CTNNA3: variants seen among roughly 807,000 people sequenced by gnomAD.
CTNNA3 encodes catenin alpha-3.
A neutral mutation model predicts 95.7 loss-of-function variants in CTNNA3; 76 were observed. That is an observed-to-expected ratio of 0.79 (90% CI 0.66 to 0.96). The LOEUF (loss-of-function observed/expected upper bound fraction) is 0.96. CTNNA3 is among the 40% of genes least tolerant of loss of function. The pLI is 0.00. For synonymous variants in CTNNA3, 431 were observed against 374.4 expected (o/e 1.15, Z -1.74); for missense variants, 1,191 against 1,089.8 (o/e 1.09, Z -1.31).
chr10:67,524,395 CAAAAAAAAAAAAAA>C (rs200850487), intron 4 of CTNNA3, among the ~76,000 whole-genome samples: 4 of 70,306 alleles, frequency 5.7e-5, no homozygotes, highest in Non-Finnish European at 6.5e-5. Context: ...GACTCTGTCT[CAAAAAAAAAAAAAA>C]AAAAAAAAAA....
chr10:66,927,310 G>A lies in CTNNA3; in HGVS notation c.1048-151786C>T. On this transcript the variant is annotated intron_variant, in intron 7 of 17. Transcript: ENST00000433211. This position sits in a 1 kb window ranked among gnomAD's most constrained non-coding sequence, Gnocchi z 4.7. ...TTTTCTTAACAATACCTTCAGACCT[G>A]TGACAAATTTACGGAACTTGGATCT... 6.2e-7 allele frequency: 1 copy of A among 1,614,116 alleles called. No homozygotes were observed.
chr10:67,463,039 G>C (rs2133000412), intron 5 of CTNNA3, among the ~76,000 whole-genome samples: 1 of 151,760 alleles, frequency 6.6e-6, no homozygotes, highest in South Asian at 2.1e-4. Flanking sequence ...TGAGTAGCGG[G>C]GTTACAGGTG....
At chr10:66,284,977 T>C (rs2091560538) in intron 12 of CTNNA3, among the ~76,000 whole-genome samples, 1 of 151,914 alleles carries the variant, frequency 6.6e-6, no homozygotes, top group African/African-American at 2.4e-5. Flanking sequence ...TTCATATATA[T>C]TTAATATTTA....
chr10:66,448,079 T>C (rs1453981216), intron 11 of CTNNA3, among the ~76,000 whole-genome samples: 6 of 152,114 alleles, frequency 3.9e-5, no homozygotes, highest in African/African-American at 9.6e-5. Context: ...TGAAAAAATG[T>C]TCATCATCAC....
chr10:66,653,934 C>T (rs1845992990), intron 9 of CTNNA3, among the ~76,000 whole-genome samples: 1 of 151,964 alleles, frequency 6.6e-6, no homozygotes, highest in African/African-American at 2.4e-5. Flanking sequence ...TTTTCACACA[C>T]CATATGTAAA....
In CTNNA3 at chr10:67,388,912, G is replaced by A. The variant is rs1274939689; in HGVS notation, c.579+132930C>T. 2.4e-4 allele frequency among the ~76,000 whole-genome samples: 36 copies of A among 152,040 alleles called. No homozygotes were observed. The East Asian group carries it at 3.5e-3, about 15-fold the overall frequency. On this transcript the variant is annotated intron_variant, in intron 5 of 17. Transcript: ENST00000433211. The stretch of plus-strand genomic sequence containing the variant: ...CCTTACAAGAGCTCCTGAAGGAAGC[G>A]CTAAACATGGAAAGGAACAACCAGT...
chr10:67,135,426 G>A (rs1183864915), intron 7 of CTNNA3, among the ~76,000 whole-genome samples: 1 of 152,166 alleles, frequency 6.6e-6, no homozygotes, highest in Non-Finnish European at 1.5e-5. Flanking sequence ...TGCAATCCCA[G>A]TACTTTGGGA....
Position 66,447,610 on chromosome 10 carries a change from C to G in CTNNA3, c.1532-68258G>C, listed in dbSNP as rs538315476. Among the ~76,000 whole-genome samples the G allele has an allele frequency of 5.9e-5, 9 of 152,234 alleles. 1 individual carries two copies. Among genetic ancestry groups the G allele is most frequent in the Admixed American group, 5.9e-4 (9 of 15,288 alleles). On this transcript the variant is annotated intron_variant, in intron 11 of 17. Transcript: ENST00000433211. ...TATTTAATAAATGGTGCTGGGAAAA[C>G]TGGCTAGCGATATGTAGAAAGCTAA...
intron 11 of CTNNA3, among the ~76,000 whole-genome samples, chr10:66,469,975 G>T (rs1589294211): frequency 6.6e-6 from 1 of 151,770 alleles, no homozygotes; most frequent in African/African-American, 2.4e-5. Flanking sequence ...TACATCTAAA[G>T]GAAATTTTGT....
At chr10:66,672,733 G>A (rs977836599) in intron 9 of CTNNA3, among the ~76,000 whole-genome samples, 3 of 151,556 alleles carry the variant, frequency 2.0e-5, no homozygotes, top group East Asian at 1.9e-4. Flanking sequence ...CCACCCACCC[G>A]AGCAACACCC....
chr10:66,148,815 C>T (rs971610219), intron 13 of CTNNA3, among the ~76,000 whole-genome samples: 12 of 151,998 alleles, frequency 7.9e-5, no homozygotes, highest in African/African-American at 2.7e-4. Context: ...AAATGTTGCA[C>T]AAATAGTAAC....
intron 11 of CTNNA3, among the ~76,000 whole-genome samples, chr10:66,495,821 AATTTTTGC>A (rs1840080886): frequency 6.6e-6 from 1 of 152,002 alleles, no homozygotes; most frequent in South Asian, 2.1e-4. Context: ...ACACCAAGCT[AATTTTTGC>A]ATTTTTAGTA....
intron 9 of CTNNA3, among the ~76,000 whole-genome samples, chr10:66,664,870 A>G (rs150587647): frequency 3.5e-5 from 5 of 143,998 alleles, no homozygotes; most frequent in African/African-American, 5.2e-5. Flanking sequence ...CTGGCTGAAT[A>G]TGAGTCAGCT....
chr10:66,783,911 T>A (rs1036409420), intron 7 of CTNNA3, among the ~76,000 whole-genome samples: 4 of 152,164 alleles, frequency 2.6e-5, no homozygotes, highest in African/African-American at 9.6e-5. Flanking sequence ...CATAGTTTAA[T>A]AATACTCAGT....
At chr10:66,542,126 A>G (rs541455695) in intron 10 of CTNNA3, among the ~76,000 whole-genome samples, 2 of 152,290 alleles carry the variant, frequency 1.3e-5, no homozygotes, top group South Asian at 4.1e-4. Flanking sequence ...CAGCCAAAAG[A>G]CACATGAAAA....
chr10:66,931,323 A>G (rs139631764), intron 7 of CTNNA3, among the ~76,000 whole-genome samples: 59 of 152,190 alleles, frequency 3.9e-4, no homozygotes, highest in Non-Finnish European at 7.2e-4. Flanking sequence ...CATTTTTATT[A>G]ACCCCAGTAC....
At chr10:66,129,932 G>A (rs1389089743) in intron 13 of CTNNA3, among the ~76,000 whole-genome samples, 21 of 152,010 alleles carry the variant, frequency 1.4e-4, no homozygotes, top group Admixed American at 1.3e-3. Flanking sequence ...ACTATGCCAT[G>A]CCACTACTGC....
chr10:66,374,564 T>C (rs1428210579), intron 12 of CTNNA3, among the ~76,000 whole-genome samples: 2 of 151,486 alleles, frequency 1.3e-5, no homozygotes, highest in African/African-American at 4.9e-5. Flanking sequence ...AATATGAGTG[T>C]CTTTTTCTCC....
At chr10:67,597,326 G>C (rs1378275677) in intron 3 of CTNNA3, among the ~76,000 whole-genome samples, 4 of 152,202 alleles carry the variant, frequency 2.6e-5, no homozygotes, top group African/African-American at 9.6e-5. Context: ...TTGGAAGTAA[G>C]AATACATTGA....
Sources: allele counts gnomAD v4.1 joint callset (sites outside exome capture counted in the v4.1 genomes callset), GRCh38; gene constraint gnomAD v4.1.1; non-coding constraint Gnocchi (gnomAD v3.1); transcripts MANE v1.5; gene names NCBI Gene and HGNC (gene_info 2026-07-23, HGNC 2026-07-21).